FRMD6: variants seen among roughly 807,000 people sequenced by gnomAD.
FRMD6 encodes FERM domain containing 6, also known as FERM domain-containing protein 6.
In FRMD6, 37 loss-of-function variants were observed where a neutral mutation model predicts 73.2. The observed-to-expected ratio is 0.51, with a 90% confidence interval of 0.39 to 0.66. The LOEUF is 0.66. Ranked by LOEUF, FRMD6 falls within the 30% of genes least tolerant of loss-of-function variation. The pLI is 0.00. For missense variants in FRMD6, 714 were observed against 780.5 expected, an observed-to-expected ratio of 0.91 and a Z score of 1.02; for synonymous variants, 273 against 282.2, an observed-to-expected ratio of 0.97 and a Z score of 0.33.
intron 1 of FRMD6, 41 bp from the exon 2 acceptor site, chr14:51,689,650 A>G (rs1273764117): frequency 1.5e-5 from 9 of 599,230 alleles, no homozygotes; most frequent in Non-Finnish European, 2.7e-5. Context: ...CGCAGTCTTC[A>G]CCGCCTTTCT....
At chr14:51,407,168 T>A in the FRMD6 span, among the ~76,000 whole-genome samples, 1 of 152,134 alleles carries the variant, frequency 6.6e-6, no homozygotes, top group African/African-American at 2.4e-5. Flanking sequence ...TTTTTAAATG[T>A]TAAAGTAATT....
the FRMD6 span, among the ~76,000 whole-genome samples, chr14:51,464,543 G>A: frequency 6.6e-6 from 1 of 152,188 alleles, no homozygotes. Context: ...AGGTATTTCT[G>A]AAGGCGGGGA....
intron 1 of FRMD6, among the ~76,000 whole-genome samples, chr14:51,673,434 C>T (rs1040393354): frequency 8.5e-5 from 13 of 152,248 alleles, no homozygotes; most frequent in East Asian, 1.9e-4. Flanking sequence ...TTTATCTTCT[C>T]AATTCAGGGA....
intron 1 of FRMD6, among the ~76,000 whole-genome samples, chr14:51,656,351 C>T (rs1429191175): frequency 3.9e-5 from 6 of 152,004 alleles, no homozygotes; most frequent in African/African-American, 7.3e-5. Flanking sequence ...CAAATACAGT[C>T]GCAAGGAGAA....
At chr14:51,511,075 C>G (rs1884275514) in intron 1 of FRMD6, among the ~76,000 whole-genome samples, 1 of 152,044 alleles carries the variant, frequency 6.6e-6, no homozygotes, top group Non-Finnish European at 1.5e-5. Flanking sequence ...TGCCCCAAGT[C>G]TCTCTAAGTA....
chr14:51,604,241 G>C (rs1321898741), intron 2 of FRMD6, among the ~76,000 whole-genome samples: 1 of 152,130 alleles, frequency 6.6e-6, no homozygotes, highest in Admixed American at 6.5e-5. Context: ...CCACAGTTTT[G>C]AGCACCCATT....
chr14:51,567,192 A>G (rs1471041066), intron 1 of FRMD6, among the ~76,000 whole-genome samples: 1 of 152,242 alleles, frequency 6.6e-6, no homozygotes, highest in Non-Finnish European at 1.5e-5. Flanking sequence ...TTTAAAAGAA[A>G]AAATGTATTT....
rs1265078082 is a variant in FRMD6, at chr14:51,711,600, G to A, written c.780+4G>A. 3.1e-6 allele frequency: 5 copies of A among 1,597,644 alleles called. No individual in the cohort carries two copies. The highest frequency in any genetic ancestry group is 4.3e-6 in the Non-Finnish European group (5 of 1,165,918). On this transcript the variant is annotated splice_donor_region_variant and intron_variant, in intron 8 of 13. Coordinates refer to ENST00000344768, the MANE Select transcript of FRMD6 (RefSeq NM_001267046.2). ...GAGGGGAATACAGATTTTTCAGGTT[G>A]GTAAATGAGAATTGTGTCAAATGCT... is the stretch of plus-strand genomic sequence containing the variant.
At chr14:51,453,994 GGCTCT>G in the FRMD6 span, among the ~76,000 whole-genome samples, 10 of 152,156 alleles carry the variant, frequency 6.6e-5, no homozygotes, top group African/African-American at 2.2e-4. Flanking sequence ...GATGAAGCAG[GGCTCT>G]GCTCCGTGCC....
At chr14:51,621,401 C>T (rs145790954) in intron 2 of FRMD6, among the ~76,000 whole-genome samples, 1 of 152,294 alleles carries the variant, frequency 6.6e-6, no homozygotes, top group Non-Finnish European at 1.5e-5. Flanking sequence ...GTGTGACCAC[C>T]AAGGGCAAGT....
At chr14:51,480,658 G>T in the FRMD6 span, among the ~76,000 whole-genome samples, 1 of 152,038 alleles carries the variant, frequency 6.6e-6, no homozygotes, top group South Asian at 2.1e-4. Flanking sequence ...TTCATATCCT[G>T]ACACCGTACA....
intron 1 of FRMD6, among the ~76,000 whole-genome samples, chr14:51,540,204 A>C (rs1220509069): frequency 6.6e-6 from 1 of 152,160 alleles, no homozygotes; most frequent in African/African-American, 2.4e-5. Context: ...GGGCCAAAAA[A>C]ATGGAGCCAA....
chr14:51,460,969 A>G, the FRMD6 span, among the ~76,000 whole-genome samples: 1 of 152,202 alleles, frequency 6.6e-6, no homozygotes, highest in East Asian at 1.9e-4. Context: ...AGAGGAAAAA[A>G]CAAGTCCTTC....
chr14:51,674,811 G>A (rs1454382504), intron 1 of FRMD6, among the ~76,000 whole-genome samples: 1 of 152,026 alleles, frequency 6.6e-6, no homozygotes, highest in East Asian at 1.9e-4. Flanking sequence ...GGGGACGCAC[G>A]AACCGAACAA....
At chr14:51,606,628 G>A in intron 2 of FRMD6, among the ~76,000 whole-genome samples, 1 of 152,216 alleles carries the variant, frequency 6.6e-6, no homozygotes, top group East Asian at 1.9e-4. Context: ...CAGGGAGGTT[G>A]CATGTATTAG....
the FRMD6 span, among the ~76,000 whole-genome samples, chr14:51,437,548 C>T: frequency 1.3e-5 from 2 of 152,314 alleles, no homozygotes; most frequent in East Asian, 1.9e-4. Context: ...GTGATCCGCC[C>T]GCCTCGGCCT....
the FRMD6 span, among the ~76,000 whole-genome samples, chr14:51,411,362 G>C: frequency 1.3e-5 from 2 of 152,160 alleles, no homozygotes; most frequent in African/African-American, 4.8e-5. Context: ...GCAGAAACTG[G>C]GAAGTAAGGA....
chr14:51,713,114 G>T (rs1269187006), intron 9 of FRMD6, among the ~76,000 whole-genome samples: 2 of 151,894 alleles, frequency 1.3e-5, no homozygotes, highest in Admixed American at 6.6e-5. Context: ...CCGTTTTTTG[G>T]TAGGGTTCAA....
the FRMD6 span, among the ~76,000 whole-genome samples, chr14:51,445,101 C>T: frequency 1.3e-5 from 2 of 152,158 alleles, no homozygotes; most frequent in Non-Finnish European, 2.9e-5. Flanking sequence ...ACCACCAAAA[C>T]CTCAGTGAAT....
Sources: allele counts gnomAD v4.1 joint callset (sites outside exome capture counted in the v4.1 genomes callset), GRCh38; gene constraint gnomAD v4.1.1; transcripts MANE v1.5; gene names NCBI Gene and HGNC (gene_info 2026-07-23, HGNC 2026-07-21).